Variants in NAPB observed in about 807,000 individuals in gnomAD.
NAPB encodes NSF attachment protein beta.
In NAPB, 26 loss-of-function variants were observed where a neutral mutation model predicts 44.7. The observed-to-expected ratio is 0.58, with a 90% CI of 0.43 to 0.81. The LOEUF is 0.81. Among genes scored for constraint, NAPB ranks in the 30% least tolerant of loss-of-function variants. NAPB has a pLI of 0.00. For synonymous variants in NAPB, 120 were observed against 116.8 expected (o/e 1.03, Z -0.18); for missense variants, 315 against 356.4 (o/e 0.88, Z 0.94).
chr20:23,416,093 C>T (rs1421843064), intron 1 of NAPB, among the ~76,000 whole-genome samples: 2 of 152,186 alleles, frequency 1.3e-5, no homozygotes, highest in Non-Finnish European at 2.9e-5. Context: ...AGCATTAATA[C>T]ATTCATTCTC....
intron 1 of NAPB, among the ~76,000 whole-genome samples, chr20:23,414,995 A>G (rs1985905208): frequency 6.6e-6 from 1 of 152,156 alleles, no homozygotes; most frequent in South Asian, 2.1e-4. Flanking sequence ...ATTAATTCAT[A>G]CATGAATTAA....
intron 7 of NAPB, among the ~76,000 whole-genome samples, chr20:23,384,901 CCGAGGT>C (rs985085010): frequency 6.6e-6 from 1 of 151,972 alleles, no homozygotes; most frequent in Admixed American, 6.5e-5. Flanking sequence ...GGGTGTATCA[CCGAGGT>C]CAGGAGTATG....
At chr20:23,397,232 C>G (rs750004981) in intron 2 of NAPB, 44 bp from the exon 3 acceptor site, 1 of 1,575,426 alleles carries the variant, frequency 6.3e-7, no homozygotes, top group African/African-American at 1.3e-5. Context: ...CAAGTCCCCC[C>G]CAGAGCAGCC....
At chr20:23,416,367 T>C (rs942001661) in intron 1 of NAPB, among the ~76,000 whole-genome samples, 6 of 152,164 alleles carry the variant, frequency 3.9e-5, no homozygotes, top group Non-Finnish European at 5.9e-5. Flanking sequence ...AACCAAACAA[T>C]TATAATAAAG....
Position 23,403,089 on chromosome 20 carries a change from A to T in NAPB, c.99-17T>A. Reference sequence around the variant, plus strand: ...GTGTTTCCTCTGAGAAAAAGTTAAAAATTAGATTTTTAACAACCATCCACA... The same window carrying T: ...GTGTTTCCTCTGAGAAAAAGTTAAATATTAGATTTTTAACAACCATCCACA... On this transcript the variant is annotated splice_polypyrimidine_tract_variant and intron_variant, in intron 1 of 10. Transcript: ENST00000377026. The T allele has an allele frequency of 4.4e-6, 7 of 1,599,916 alleles. No individual in the cohort carries two copies. The highest frequency in any genetic ancestry group is 5.1e-6 in the Non-Finnish European group (6 of 1,169,568).
chr20:23,405,381 C>A (rs1985173111), intron 1 of NAPB, among the ~76,000 whole-genome samples: 1 of 152,006 alleles, frequency 6.6e-6, no homozygotes, highest in Non-Finnish European at 1.5e-5. Context: ...AAACGCATAT[C>A]CACACAAAAA....
chr20:23,393,037 C>T (rs6083110), intron 5 of NAPB, among the ~76,000 whole-genome samples: 37,779 of 151,928 alleles, frequency 0.25, 5,388 homozygotes, highest in Middle Eastern at 0.36. Flanking sequence ...TGCTCATCCC[C>T]GCAAGACTCA....
intron 7 of NAPB, among the ~76,000 whole-genome samples, chr20:23,387,399 G>A (rs916638834): frequency 2.0e-5 from 3 of 152,068 alleles, no homozygotes; most frequent in East Asian, 1.9e-4. Flanking sequence ...CAGGGCAACC[G>A]AGAAAATGAA....
intron 1 of NAPB, among the ~76,000 whole-genome samples, chr20:23,406,015 T>A (rs1054663007): frequency 6.6e-6 from 1 of 152,026 alleles, no homozygotes; most frequent in African/African-American, 2.4e-5. Flanking sequence ...GGTGTTTAGG[T>A]CATGAGCCCT....
chr20:23,396,801 C>T (rs1189003945), intron 3 of NAPB: 1 of 206,882 alleles, frequency 4.8e-6, no homozygotes, highest in East Asian at 1.0e-4. Context: ...CCAAAAAATT[C>T]TCTAAAATGC....
chr20:23,385,438 C>G (rs1411580712), intron 7 of NAPB, among the ~76,000 whole-genome samples: 3 of 152,032 alleles, frequency 2.0e-5, no homozygotes, highest in Non-Finnish European at 2.9e-5. Context: ...ATTTTAACAC[C>G]CAACTCTCAA....
At chr20:23,403,631 C>G (rs1168789507) in intron 1 of NAPB, among the ~76,000 whole-genome samples, 1 of 143,284 alleles carries the variant, frequency 7.0e-6, no homozygotes, top group Non-Finnish European at 1.6e-5. Context: ...AAACACAGAT[C>G]TGGCTGACCC....
At chr20:23,408,657 T>C (rs1985429771) in intron 1 of NAPB, among the ~76,000 whole-genome samples, 1 of 152,232 alleles carries the variant, frequency 6.6e-6, no homozygotes, top group Non-Finnish European at 1.5e-5. Flanking sequence ...TAATATATTT[T>C]AAAACAGTAC....
chr20:23,400,271 C>T (rs1054858068), intron 2 of NAPB, among the ~76,000 whole-genome samples: 3 of 152,126 alleles, frequency 2.0e-5, no homozygotes, highest in African/African-American at 7.2e-5. Context: ...GCCTGTAATC[C>T]CAGCACTTAG....
chr20:23,413,363 T>C (rs912842174), intron 1 of NAPB, among the ~76,000 whole-genome samples: 2 of 152,088 alleles, frequency 1.3e-5, no homozygotes, highest in African/African-American at 4.8e-5. Context: ...ACAGGATCTA[T>C]AAAATACAAC....
intron 3 of NAPB, among the ~76,000 whole-genome samples, chr20:23,395,814 A>C (rs1984315221): frequency 6.6e-6 from 1 of 152,214 alleles, no homozygotes; most frequent in South Asian, 2.1e-4. Flanking sequence ...TGAGCCAAAA[A>C]ATTTTCCCTA....
intron 5 of NAPB, among the ~76,000 whole-genome samples, chr20:23,392,477 G>T (rs1984035826): frequency 6.6e-6 from 1 of 152,032 alleles, no homozygotes; most frequent in Non-Finnish European, 1.5e-5. Context: ...ACCAGCCTGG[G>T]CAACATGAAA....
chr20:23,381,789 G>A (rs1054243288), intron 7 of NAPB, among the ~76,000 whole-genome samples: 1 of 152,170 alleles, frequency 6.6e-6, no homozygotes, highest in African/African-American at 2.4e-5. Flanking sequence ...TAGAAAAGGG[G>A]CAGCCCAGCA....
At chr20:23,378,272 C>T (rs1210367918) in intron 10 of NAPB, among the ~76,000 whole-genome samples, 1 of 151,182 alleles carries the variant, frequency 6.6e-6, no homozygotes, top group African/African-American at 2.4e-5. Flanking sequence ...TGCAGTGAGC[C>T]GTGATCACAC....
Sources: gnomAD v4.1 joint callset for allele counts (sites outside exome capture counted in the v4.1 genomes callset) on GRCh38, gnomAD v4.1.1 for gene constraint, MANE v1.5 for transcripts, NCBI Gene and HGNC (gene_info 2026-07-23, HGNC 2026-07-21) for gene names.